The following NLGN4X variants were observed in gnomAD, a reference collection of about 807,000 sequenced individuals.
The protein encoded by NLGN4X is neuroligin-4, X-linked.
A neutral mutation model predicts 40.3 loss-of-function variants in NLGN4X; 3 were observed. That is an observed-to-expected ratio of 0.07 (90% CI 0.03 to 0.19). NLGN4X has a LOEUF of 0.19. Among genes scored for constraint, NLGN4X ranks in the 10% least tolerant of loss-of-function variants. The probability of loss-of-function intolerance (pLI) is 1.00; values close to 1 mark genes in which losing one functional copy is unlikely to be tolerated. For missense variants in NLGN4X, 382 were observed against 708.3 expected (o/e 0.54, Z 5.23); for synonymous variants, 270 against 306.8 (o/e 0.88, Z 1.25).
chrX:6,064,232 G>T (rs2037845229), intron 2 of NLGN4X, among the ~76,000 whole-genome samples: 1 of 110,908 alleles, frequency 9.0e-6, no homozygotes, highest in South Asian at 3.8e-4. Flanking sequence ...TGGGTTCAAG[G>T]CTACCTAGGT....
At chrX:6,198,096 T>G (rs142673634) in intron 1 of NLGN4X, among the ~76,000 whole-genome samples, 1,154 of 109,785 alleles carry the variant, frequency 0.011, 18 homozygotes, top group African/African-American at 0.036. Context: ...TTATGGAACA[T>G]TCATATCATT....
chrX:5,980,627 G>A (rs927435125), intron 3 of NLGN4X, among the ~76,000 whole-genome samples: 1 of 107,689 alleles, frequency 9.3e-6, no homozygotes, highest in Non-Finnish European at 1.9e-5. Flanking sequence ...GATACTTAAT[G>A]TTTCCAACAC....
At chrX:5,941,817 T>C (rs1160933516) in intron 3 of NLGN4X, among the ~76,000 whole-genome samples, 2 of 112,428 alleles carry the variant, frequency 1.8e-5, no homozygotes, top group Non-Finnish European at 3.8e-5. Context: ...GAAAACTGTA[T>C]CTTAATTAGA....
In NLGN4X at chrX:6,109,029, A is replaced by G. The variant is rs1444123144; in HGVS notation, c.472+41966T>C. ...GTAATCCCAGCACTTTGGAAGGCCAATGCAGGAAGATTGCTTGAGGCTAGG... is the reference window on the plus strand; with the variant it reads ...GTAATCCCAGCACTTTGGAAGGCCAGTGCAGGAAGATTGCTTGAGGCTAGG... On this transcript the variant is annotated intron_variant, in intron 2 of 5. Coordinates refer to ENST00000381095, the MANE Select transcript of NLGN4X (RefSeq NM_181332.3). 6.2e-5 allele frequency among the ~76,000 whole-genome samples: 7 copies of G among 112,391 alleles called. No individual in the cohort carries two copies. The South Asian group carries it at 1.1e-3, about 18-fold the overall frequency.
At chrX:5,979,894 T>C (rs1182925306) in intron 3 of NLGN4X, among the ~76,000 whole-genome samples, 1 of 106,027 alleles carries the variant, frequency 9.4e-6, no homozygotes, top group Non-Finnish European at 1.9e-5. Context: ...TATGATACAG[T>C]ATACTATATA....
At chrX:6,065,117 T>C (rs2037876855) in intron 2 of NLGN4X, among the ~76,000 whole-genome samples, 1 of 110,005 alleles carries the variant, frequency 9.1e-6, no homozygotes. Context: ...TACTTCAAAG[T>C]GGTGGGTGGG....
intron 3 of NLGN4X, among the ~76,000 whole-genome samples, chrX:5,965,428 T>C (rs369917590): frequency 8.9e-6 from 1 of 112,099 alleles, no homozygotes; most frequent in East Asian, 2.8e-4. Context: ...TTGGAGGCAC[T>C]CTATAGAATG....
In NLGN4X at chrX:6,110,271, A is replaced by C. The variant is rs756893503; in HGVS notation, c.472+40724T>G. ...GGGGCAGGCTGCTGTCTAGACGCTC[A>C]GAGTCAAGTGGAAAGAACTTCCCAG... On this transcript the variant is annotated intron_variant, in intron 2 of 5. Transcript: ENST00000381095. 1.8e-3 allele frequency among the ~76,000 whole-genome samples: 196 copies of C among 111,921 alleles called. 2 individuals are homozygous for C. Among genetic ancestry groups the C allele is most frequent in the African/African-American group, 6.0e-3 (186 of 30,823 alleles).
In NLGN4X at chrX:5,918,400, T is replaced by C. The variant is rs139891483; in HGVS notation, c.626-9161A>G. Among the ~76,000 whole-genome samples, 40 of 112,165 alleles carry C rather than the reference T, an allele frequency of 3.6e-4. 1 individual carries two copies. In the East Asian group the frequency reaches 0.011, roughly 30 times the overall value. On this transcript the variant is annotated intron_variant, in intron 3 of 5. Coordinates refer to ENST00000381095, the MANE Select transcript of NLGN4X (RefSeq NM_181332.3). ...GAATGAAAAAGTAATGCACATATATTAGACGAATTAGAACTTAGGTGTAAT... is the reference window on the plus strand; with the variant it reads ...GAATGAAAAAGTAATGCACATATATCAGACGAATTAGAACTTAGGTGTAAT...
At chrX:6,209,040 T>G (rs375053440) in intron 1 of NLGN4X, among the ~76,000 whole-genome samples, 2 of 112,346 alleles carry the variant, frequency 1.8e-5, no homozygotes, top group East Asian at 5.6e-4. Flanking sequence ...TAACGAAATA[T>G]TATTCAGCCA....
At chrX:6,210,847 G>A (rs184721668) in intron 1 of NLGN4X, among the ~76,000 whole-genome samples, 2 of 112,424 alleles carry the variant, frequency 1.8e-5, no homozygotes, top group Admixed American at 9.4e-5. Context: ...AAAACTACGA[G>A]AAGATCATTT....
chrX:5,991,130 G>A (rs2035671306), intron 3 of NLGN4X, among the ~76,000 whole-genome samples: 1 of 111,925 alleles, frequency 8.9e-6, no homozygotes, highest in South Asian at 3.7e-4. Flanking sequence ...GAGAAGACAT[G>A]GCCTAGCATT....
intron 1 of NLGN4X, among the ~76,000 whole-genome samples, chrX:6,192,858 AG>A (rs1479178562): frequency 3.6e-5 from 4 of 111,715 alleles, no homozygotes; most frequent in African/African-American, 1.3e-4. Context: ...CTTGCATCTA[AG>A]CTCTGATCAG....
At chrX:6,108,980 G>A (rs945145842) in intron 2 of NLGN4X, among the ~76,000 whole-genome samples, 2 of 111,547 alleles carry the variant, frequency 1.8e-5, no homozygotes, top group African/African-American at 6.5e-5. Context: ...TCTAGGTAAT[G>A]GCCAAGCACA....
At position 6,106,588 on chromosome X, in the gene NLGN4X, C is replaced by A. The variant is rs1228884526; in HGVS notation, c.472+44407G>T. ...CAATGATGGATTTTTTATTGTCCCCCAGTTCTGCTTTTTCCAGAATGTCCT... is the reference window on the plus strand; with the variant it reads ...CAATGATGGATTTTTTATTGTCCCCAAGTTCTGCTTTTTCCAGAATGTCCT... On this transcript the variant is annotated intron_variant, in intron 2 of 5. Coordinates refer to ENST00000381095, the MANE Select transcript of NLGN4X (RefSeq NM_181332.3). Among the ~76,000 whole-genome samples the A allele has an allele frequency of 2.7e-5, 3 of 111,789 alleles. No homozygotes were observed. In the East Asian group the frequency reaches 8.4e-4, roughly 31 times the overall value.
chrX:6,097,524 T>C (rs1418916504), intron 2 of NLGN4X, among the ~76,000 whole-genome samples: 1 of 111,720 alleles, frequency 9.0e-6, no homozygotes, highest in Non-Finnish European at 1.9e-5. Flanking sequence ...AGTCCCTCTA[T>C]GTGAACCCAG....
intron 3 of NLGN4X, among the ~76,000 whole-genome samples, chrX:5,914,980 G>A (rs759132071): frequency 8.9e-5 from 10 of 112,755 alleles, no homozygotes; most frequent in Non-Finnish European, 1.7e-4. Context: ...AGCACACATT[G>A]CACAGGATGG....
intron 3 of NLGN4X, 106 bp downstream of exon 3, chrX:6,029,174 C>T: frequency 2.2e-6 from 2 of 923,595 alleles, no homozygotes; most frequent in Non-Finnish European, 3.1e-6. Context: ...GTGGAATTAA[C>T]CAGGAACTGG....
At chrX:5,900,500 T>C (rs2031782211) in intron 5 of NLGN4X, among the ~76,000 whole-genome samples, 1 of 108,064 alleles carries the variant, frequency 9.3e-6, no homozygotes, top group African/African-American at 3.4e-5. Context: ...TTGCAACTTC[T>C]GGCCTTAGAA....
Sources: gnomAD v4.1 joint callset for allele counts (sites outside exome capture counted in the v4.1 genomes callset) on GRCh38, gnomAD v4.1.1 for gene constraint, MANE v1.5 for transcripts, NCBI Gene and HGNC (gene_info 2026-07-23, HGNC 2026-07-21) for gene names.